STIM1: variants seen among roughly 807,000 people sequenced by gnomAD.
STIM1 encodes the protein stromal interaction molecule 1.
A neutral mutation model predicts 74.7 loss-of-function variants in STIM1; 25 were observed. The observed-to-expected ratio is 0.33, with a 90% confidence interval of 0.24 to 0.47. The LOEUF (loss-of-function observed/expected upper bound fraction) is 0.47. Among genes scored for constraint, STIM1 ranks in the 20% least tolerant of loss-of-function variants. The pLI, the probability that STIM1 is intolerant of heterozygous loss-of-function variation, is 1.00. For missense variants in STIM1, 728 were observed against 920.8 expected, an observed-to-expected ratio of 0.79 and a Z score of 2.71; for synonymous variants, 328 against 348.8, an observed-to-expected ratio of 0.94 and a Z score of 0.66.
In STIM1 at chr11:3,899,583, CT is replaced by C. The variant is rs1349016894; in HGVS notation, c.139+43175del. ...ATAGGAGTGGTGAGAGAGGGCATCC[CT>C]GTCTTGTGCCAGTTTTCAAAGGGAA... On this transcript the variant is annotated intron_variant, in intron 1 of 12. Transcript: ENST00000526596. Among the ~76,000 whole-genome samples the C allele has an allele frequency of 5.8e-3, 866 of 150,058 alleles. 5 individuals carry two copies. The highest frequency in any genetic ancestry group is 0.02 in the African/African-American group (817 of 41,166).
At chr11:3,871,216 C>G (rs933987613) in intron 1 of STIM1, among the ~76,000 whole-genome samples, 1 of 152,124 alleles carries the variant, frequency 6.6e-6, no homozygotes, top group African/African-American at 2.4e-5. Flanking sequence ...ATCCCCTTCC[C>G]TCAGGGTCTT....
intron 2 of STIM1, among the ~76,000 whole-genome samples, chr11:4,009,711 C>T (rs1037040734): frequency 6.6e-6 from 1 of 152,160 alleles, no homozygotes; most frequent in Non-Finnish European, 1.5e-5. Flanking sequence ...AATGCAACCT[C>T]ATGACAAGTC....
chr11:3,949,243 T>G (rs563939101), intron 1 of STIM1, among the ~76,000 whole-genome samples: 1 of 151,964 alleles, frequency 6.6e-6, no homozygotes, highest in East Asian at 1.9e-4. Flanking sequence ...TGAGTATGAA[T>G]TAGTCAGGTG....
intron 4 of STIM1, 102 bp downstream of exon 4, chr11:4,055,739 T>C: frequency 1.2e-6 from 1 of 820,694 alleles, no homozygotes; most frequent in Non-Finnish European, 2.0e-6. Context: ...GTTCTGCCTT[T>C]TTCAGGGCAG....
chr11:4,034,068 A>C (rs977970659), intron 3 of STIM1, among the ~76,000 whole-genome samples: 4 of 151,570 alleles, frequency 2.6e-5, no homozygotes, highest in African/African-American at 9.7e-5. Context: ...ATCTCTACTA[A>C]AAATACAAAA....
intron 1 of STIM1, among the ~76,000 whole-genome samples, chr11:3,930,223 G>A (rs919183807): frequency 2.0e-5 from 3 of 152,058 alleles, no homozygotes; most frequent in Admixed American, 6.5e-5. Flanking sequence ...CTTTGCATGT[G>A]TTTACCACAA....
intron 1 of STIM1, chr11:3,867,514 C>T (rs1024417645): frequency 5.3e-5 from 8 of 152,218 alleles, no homozygotes; most frequent in African/African-American, 1.4e-4. Flanking sequence ...GCTTGTGGAA[C>T]GGAGGAGGAA....
At chr11:3,858,012 C>T (rs1280161283) in intron 1 of STIM1, among the ~76,000 whole-genome samples, 2 of 152,210 alleles carry the variant, frequency 1.3e-5, no homozygotes, top group Admixed American at 1.3e-4. Flanking sequence ...AAGGGAAAGA[C>T]TAGTGGGCAA....
At chr11:4,023,251 C>T (rs1297198845) in intron 2 of STIM1, among the ~76,000 whole-genome samples, 1 of 152,256 alleles carries the variant, frequency 6.6e-6, no homozygotes. Flanking sequence ...ATTGCTTGAA[C>T]TTCGGAGGTG....
rs187570197 is a variant in STIM1, at chr11:3,970,700, G to T, written c.270+3018G>T. On this transcript the variant is annotated intron_variant, in intron 2 of 12. Transcript: ENST00000526596. The stretch of plus-strand genomic sequence containing the variant: ...TATTTCCTTGTTAACTATTTTTACA[G>T]CACATGCATGTTAGGCAAGTATCAA... 2.4e-3 allele frequency among the ~76,000 whole-genome samples: 364 copies of T among 151,714 alleles called. 1 individual carries two copies. The highest frequency in any genetic ancestry group is 4.0e-3 in the Non-Finnish European group (273 of 67,958).
At chr11:3,949,170 G>A (rs536189817) in intron 1 of STIM1, among the ~76,000 whole-genome samples, 19 of 152,272 alleles carry the variant, frequency 1.2e-4, no homozygotes, top group Admixed American at 9.8e-4. Flanking sequence ...ATCAAACCCC[G>A]GGGGTCAGTA....
intron 2 of STIM1, among the ~76,000 whole-genome samples, chr11:3,970,493 T>A (rs2093382171): frequency 1.3e-5 from 2 of 152,012 alleles, no homozygotes; most frequent in African/African-American, 4.8e-5. Context: ...GTGTAATGGA[T>A]GGTGGGGTAC....
rs1451919739 is a variant in STIM1 at position 4,092,809 on chromosome 11, ATATTCC to A, written c.*1012_*1017del. ...TGAATTTCCCAAGTGCCTACGCTGC[ATATTCC>A]CCTTGTTAGATCCCATTTTCATGTT... is the stretch of plus-strand genomic sequence containing the variant. On this transcript the variant is annotated 3_prime_UTR_variant, in exon 13 of 13. Coordinates refer to ENST00000526596, the MANE Select transcript of STIM1 (RefSeq NM_001382567.1). 1 of 152,228 alleles carries A rather than the reference ATATTCC, an allele frequency of 6.6e-6. No homozygotes were observed. The highest frequency in any genetic ancestry group is 1.5e-5 in the Non-Finnish European group (1 of 68,036). 9.4% of individuals were successfully genotyped at this position (152,228 alleles called of 1,614,324 possible).
Position 4,074,686 on chromosome 11 carries a change from G to A in STIM1, c.969+7G>A, listed in dbSNP as rs1174872403. 6 of 1,554,034 alleles carry A rather than the reference G, an allele frequency of 3.9e-6. No homozygotes were observed. In the South Asian group the frequency reaches 7.1e-5, roughly 18 times the overall value. On this transcript the variant is annotated splice_region_variant and intron_variant, in intron 7 of 12. Transcript: ENST00000526596. ...TGAGGAGGAGTTGGAGCAGGTAGGA[G>A]AGTCCACAAATTCCTGGACACCTTG...
intron 1 of STIM1, among the ~76,000 whole-genome samples, chr11:3,958,087 A>C (rs571671461): frequency 5.9e-4 from 90 of 152,314 alleles, no homozygotes; most frequent in African/African-American, 2.1e-3. Flanking sequence ...GATGGTCTCA[A>C]TCTCTTGACC....
intron 1 of STIM1, among the ~76,000 whole-genome samples, chr11:3,905,744 A>T (rs2092455315): frequency 6.6e-6 from 1 of 152,230 alleles, no homozygotes; most frequent in Non-Finnish European, 1.5e-5. Context: ...TTAGTGGTGG[A>T]GCCAGTTTCA....
At chr11:4,067,125 C>T (rs1188418309) in intron 5 of STIM1, among the ~76,000 whole-genome samples, 1 of 152,224 alleles carries the variant, frequency 6.6e-6, no homozygotes, top group Non-Finnish European at 1.5e-5. Flanking sequence ...TACACCTACA[C>T]GTTCGATCTC....
In STIM1 at chr11:4,083,459, G is replaced by T; in HGVS notation, c.1435G>T (p.Asp479Tyr). The change falls in exon 10 of 13, where the codon GAC becomes TAC. Residue 479 changes from aspartate (D) to tyrosine (Y), a missense_variant. Around this residue, in one of 5 missense-constraint regions of STIM1, gnomAD observed 352 missense variants for 370.1 expected, o/e 0.95. Coordinates refer to ENST00000526596, the MANE Select transcript of STIM1 (RefSeq NM_001382567.1). ...CTTCATCATGACTGACGACGTGGAT[G>T]ACATGGATGAGGAGATTGTGTCTCC... ...AHFIMTDDVD[D>Y]MDEEIVSPLS... The T allele has an allele frequency of 6.2e-7, 1 of 1,614,234 alleles. No homozygotes were observed. Among genetic ancestry groups the T allele is most frequent in the Non-Finnish European group, 8.5e-7 (1 of 1,180,040 alleles).
intron 2 of STIM1, among the ~76,000 whole-genome samples, chr11:3,994,909 AGTTC>A (rs2093650158): frequency 6.6e-6 from 1 of 152,042 alleles, no homozygotes; most frequent in Non-Finnish European, 1.5e-5. Context: ...TCCTGCTGCC[AGTTC>A]AGATCTACTA....
Sources: gnomAD v4.1 joint callset for allele counts (sites outside exome capture counted in the v4.1 genomes callset) on GRCh38, gnomAD v4.1.1 for gene constraint, gnomAD v4.1.1 regional missense constraint, MANE v1.5 for transcripts, NCBI Gene and HGNC (gene_info 2026-07-23, HGNC 2026-07-21) for gene names.